RASGRF2: variants seen among roughly 807,000 people sequenced by gnomAD.
RASGRF2 encodes the protein ras-specific guanine nucleotide-releasing factor 2.
Under a neutral mutation model 151.0 loss-of-function variants are expected in RASGRF2, and 76 were observed. The ratio of observed to expected loss-of-function variants is 0.50; its 90% CI spans 0.42 to 0.61. The LOEUF (loss-of-function observed/expected upper bound fraction) is 0.61. RASGRF2 is among the 20% of genes least tolerant of loss of function. The probability of loss-of-function intolerance (pLI) is 0.00; values close to 1 mark genes in which losing one functional copy is unlikely to be tolerated. For synonymous variants in RASGRF2, 504 were observed against 566.5 expected, an observed-to-expected ratio of 0.89 and a Z score of 1.57; for missense variants, 1,148 against 1,564.6, an observed-to-expected ratio of 0.73 and a Z score of 4.49.
intron 2 of RASGRF2, among the ~76,000 whole-genome samples, chr5:81,044,692 T>C (rs897729491): frequency 5.3e-5 from 8 of 152,204 alleles, no homozygotes; most frequent in African/African-American, 1.9e-4. Context: ...GACAGGCATA[T>C]TGGCCAAGTT....
chr5:80,991,546 T>C (rs1323959180), intron 1 of RASGRF2, among the ~76,000 whole-genome samples: 3 of 152,206 alleles, frequency 2.0e-5, no homozygotes, highest in African/African-American at 7.2e-5. Context: ...TTCACCTTTT[T>C]CCAGTTTTAC....
chr5:81,070,700 C>A, intron 4 of RASGRF2, 119 bp downstream of exon 4: 1 of 772,608 alleles, frequency 1.3e-6, no homozygotes, highest in Admixed American at 2.7e-5. Flanking sequence ...TGGGCTATGG[C>A]TCCCAGACTT....
chr5:80,982,200 G>A (rs951685418), intron 1 of RASGRF2, among the ~76,000 whole-genome samples: 5 of 152,148 alleles, frequency 3.3e-5, no homozygotes, highest in African/African-American at 1.2e-4. Context: ...CACTTGCTGA[G>A]TATTGAGGGC....
chr5:81,031,825 C>T (rs1427216182), intron 1 of RASGRF2, among the ~76,000 whole-genome samples: 1 of 152,056 alleles, frequency 6.6e-6, no homozygotes, highest in African/African-American at 2.4e-5. Flanking sequence ...GAGATAGAGA[C>T]ATAAAATACC....
intron 19 of RASGRF2, among the ~76,000 whole-genome samples, chr5:81,203,531 A>C (rs1755441601): frequency 6.6e-6 from 1 of 152,228 alleles, no homozygotes; most frequent in South Asian, 2.1e-4. Flanking sequence ...CTTTCTGCTG[A>C]ATAATGACCT....
At chr5:81,196,595 G>A (rs1008073093) in intron 18 of RASGRF2, among the ~76,000 whole-genome samples, 5 of 151,918 alleles carry the variant, frequency 3.3e-5, no homozygotes, top group Non-Finnish European at 5.9e-5. Context: ...TGCCATCCTG[G>A]GGCCCCAGAA....
intron 12 of RASGRF2, among the ~76,000 whole-genome samples, chr5:81,108,089 T>C (rs543669146): frequency 1.4e-4 from 22 of 152,364 alleles, no homozygotes; most frequent in African/African-American, 5.0e-4. Context: ...AGGACCTATG[T>C]GAGGTCACGT....
At chr5:80,975,191 C>G (rs1411498466) in intron 1 of RASGRF2, among the ~76,000 whole-genome samples, 1 of 152,024 alleles carries the variant, frequency 6.6e-6, no homozygotes, top group South Asian at 2.1e-4. Flanking sequence ...AAGTGGCAAA[C>G]GCCTCTTTAT....
At chr5:81,146,005 G>T (rs1247348568) in intron 17 of RASGRF2, among the ~76,000 whole-genome samples, 1 of 152,110 alleles carries the variant, frequency 6.6e-6, no homozygotes. Context: ...GCATTTCTGG[G>T]CATCCCCTGT....
At chr5:81,155,109 A>G (rs1754230135) in intron 17 of RASGRF2, among the ~76,000 whole-genome samples, 1 of 152,202 alleles carries the variant, frequency 6.6e-6, no homozygotes, top group African/African-American at 2.4e-5. Flanking sequence ...GTTTTGAAAC[A>G]AATGAAAATG....
chr5:81,185,857 A>G (rs1755014886), intron 18 of RASGRF2, among the ~76,000 whole-genome samples: 1 of 152,234 alleles, frequency 6.6e-6, no homozygotes, highest in Non-Finnish European at 1.5e-5. Flanking sequence ...TTGACTGTTG[A>G]AATGACACCA....
chr5:81,064,430 A>G (rs1751534927), intron 2 of RASGRF2, among the ~76,000 whole-genome samples: 1 of 152,158 alleles, frequency 6.6e-6, no homozygotes, highest in Non-Finnish European at 1.5e-5. Flanking sequence ...TGTATTCTTT[A>G]TAAGTGAGTC....
chr5:80,993,776 G>A (rs1334112995), intron 1 of RASGRF2, among the ~76,000 whole-genome samples: 1 of 152,132 alleles, frequency 6.6e-6, no homozygotes, highest in Non-Finnish European at 1.5e-5. Flanking sequence ...GCAACCAATC[G>A]TGGTAGGGAG....
intron 17 of RASGRF2, among the ~76,000 whole-genome samples, chr5:81,128,349 AG>A (rs1317775589): frequency 6.6e-6 from 1 of 152,240 alleles, no homozygotes; most frequent in Non-Finnish European, 1.5e-5. Flanking sequence ...ATCATTCTTC[AG>A]TATATACGTA....
At chr5:81,087,192 C>T (rs779330526) in intron 9 of RASGRF2, 92 of 703,076 alleles carry the variant, frequency 1.3e-4, no homozygotes, top group Middle Eastern at 4.6e-4. Flanking sequence ...TACATTCTGA[C>T]TGGACGCTCC....
intron 1 of RASGRF2, among the ~76,000 whole-genome samples, chr5:80,978,781 C>G (rs909353607): frequency 6.6e-6 from 1 of 150,438 alleles, no homozygotes; most frequent in Non-Finnish European, 1.5e-5. Context: ...GAGTGAAACT[C>G]CATCTCAAAA....
chr5:81,086,780 T>G lies in RASGRF2; in HGVS notation c.1272-55T>G, dbSNP rs201369193. 131 of 1,437,418 alleles carry G rather than the reference T, an allele frequency of 9.1e-5. No individual in the cohort carries two copies. In the South Asian group the frequency reaches 1.4e-3, roughly 15 times the overall value. 89.0% of individuals were successfully genotyped at this position (1,437,418 alleles called of 1,614,324 possible). The stretch of plus-strand genomic sequence containing the variant: ...CAGATGGAGCTCTTCTTTGCCTACA[T>G]GCTAGGGCAAGAGAAAATCTCTCTT... On this transcript the variant is annotated intron_variant, in intron 8 of 26. Coordinates refer to ENST00000265080, the MANE Select transcript of RASGRF2 (RefSeq NM_006909.3).
chr5:81,203,562 T>C (rs563996319), intron 19 of RASGRF2, among the ~76,000 whole-genome samples: 9 of 152,338 alleles, frequency 5.9e-5, no homozygotes, highest in Non-Finnish European at 1.2e-4. Flanking sequence ...AGTGTAAGAT[T>C]GATAGGGAAC....
intron 19 of RASGRF2, among the ~76,000 whole-genome samples, chr5:81,202,955 A>T (rs1261858384): frequency 6.6e-6 from 1 of 152,260 alleles, no homozygotes; most frequent in Non-Finnish European, 1.5e-5. Flanking sequence ...GGAAGGTGAG[A>T]CAATACATTT....
Sources: gnomAD v4.1 joint callset for allele counts (sites outside exome capture counted in the v4.1 genomes callset) on GRCh38, gnomAD v4.1.1 for gene constraint, MANE v1.5 for transcripts, NCBI Gene and HGNC (gene_info 2026-07-23, HGNC 2026-07-21) for gene names.